Variants in ERBIN observed in about 807,000 individuals in gnomAD.
ERBIN encodes the protein densin-180-like protein.
In ERBIN, 60 loss-of-function variants were observed where a neutral mutation model predicts 158.4. The observed-to-expected ratio is 0.38, with a 90% CI of 0.31 to 0.47. The LOEUF is 0.47. ERBIN is among the 20% of genes least tolerant of loss of function. The probability of loss-of-function intolerance (pLI) is 0.99; values close to 1 mark genes in which losing one functional copy is unlikely to be tolerated. For missense variants in ERBIN, 1,610 were observed against 1,648.0 expected (o/e 0.98, Z 0.40); for synonymous variants, 594 against 557.2 (o/e 1.07, Z -0.93).
intron 1 of ERBIN, among the ~76,000 whole-genome samples, chr5:65,986,203 C>G (rs1184567178): frequency 6.6e-6 from 1 of 152,204 alleles, no homozygotes. Context: ...CTCTGAATGC[C>G]TATATCCAGC....
intron 19 of ERBIN, among the ~76,000 whole-genome samples, chr5:66,049,088 A>C (rs377607842): frequency 7.2e-5 from 11 of 152,096 alleles, no homozygotes; most frequent in African/African-American, 2.7e-4. Context: ...CCATGTGTAC[A>C]TATCTGATTT....
Position 66,053,538 on chromosome 5 carries a change from A to G in ERBIN, c.2220A>G (p.Arg740=). The G allele has an allele frequency of 6.2e-7, 1 of 1,611,362 alleles. No individual in the cohort carries two copies. Among genetic ancestry groups the G allele is most frequent in the Non-Finnish European group, 8.5e-7 (1 of 1,179,310 alleles). ...LPEYDLNVEE[R]LVLIEKSVDS... is the part of the protein sequence containing the mutation. The stretch of plus-strand genomic sequence containing the variant: ...AATATGATTTGAATGTTGAAGAGCG[A>G]TTAGTTCTAATTGAGAAAAGTGTTG... The change falls in exon 21 of 26, where the codon CGA becomes CGG. Residue 740 remains arginine (R), a synonymous_variant. Transcript: ENST00000284037.
At chr5:66,060,325 G>T (rs552855778) in intron 21 of ERBIN, among the ~76,000 whole-genome samples, 2 of 152,138 alleles carry the variant, frequency 1.3e-5, no homozygotes, top group Non-Finnish European at 2.9e-5. Flanking sequence ...GTTTATTTGC[G>T]TAGAGGTGTT....
chr5:65,976,910 C>T (rs1347126485), intron 1 of ERBIN, among the ~76,000 whole-genome samples: 1 of 151,856 alleles, frequency 6.6e-6, no homozygotes, highest in Non-Finnish European at 1.5e-5. Flanking sequence ...TCTCCCATGT[C>T]TACCTCTTTC....
intron 1 of ERBIN, among the ~76,000 whole-genome samples, chr5:65,940,488 CG>C (rs1437596258): frequency 0.013 from 1,479 of 116,364 alleles, 72 homozygotes; most frequent in Non-Finnish European, 0.018. Flanking sequence ...CCCCCCCCCC[CG>C]GCCAGCCGCC....
chr5:66,018,446 AATATATATTATATT>A (rs1755046871), intron 7 of ERBIN, among the ~76,000 whole-genome samples: 3 of 53,010 alleles, frequency 5.7e-5, no homozygotes, highest in Non-Finnish European at 1.0e-4. Flanking sequence ...TATATAATAT[AATATATATTATATT>A]ATATAATATA....
intron 10 of ERBIN, 112 bp downstream of exon 10, chr5:66,024,562 G>A (rs1756037625): frequency 1.5e-5 from 16 of 1,058,910 alleles, no homozygotes; most frequent in South Asian, 1.5e-4. Context: ...CCACAGGAAC[G>A]GATTTTATTT....
At chr5:66,000,344 T>A (rs1752895465) in intron 4 of ERBIN, among the ~76,000 whole-genome samples, 1 of 152,198 alleles carries the variant, frequency 6.6e-6, no homozygotes, top group Non-Finnish European at 1.5e-5. Context: ...CCCTACAGCA[T>A]CATTAAATTA....
chr5:65,954,337 T>C (rs929434449), intron 1 of ERBIN, among the ~76,000 whole-genome samples: 2 of 152,094 alleles, frequency 1.3e-5, no homozygotes, highest in Non-Finnish European at 2.9e-5. Flanking sequence ...TTGGTGAAAA[T>C]TAGTCTTTTT....
At chr5:66,071,479 T>G (rs752250899) in intron 21 of ERBIN, among the ~76,000 whole-genome samples, 2 of 152,230 alleles carry the variant, frequency 1.3e-5, no homozygotes, top group Non-Finnish European at 2.9e-5. Flanking sequence ...ATTTGGCCTA[T>G]AAAGATATTA....
chr5:65,937,107 T>G (rs1187257142), intron 1 of ERBIN, among the ~76,000 whole-genome samples: 1 of 152,228 alleles, frequency 6.6e-6, no homozygotes, highest in Non-Finnish European at 1.5e-5. Flanking sequence ...TTAGGTATAG[T>G]ACATATACAG....
At chr5:66,064,665 TA>T (rs976739786) in intron 21 of ERBIN, among the ~76,000 whole-genome samples, 2 of 152,204 alleles carry the variant, frequency 1.3e-5, no homozygotes, top group African/African-American at 4.8e-5. Context: ...GATGAATTGA[TA>T]AGAAGTAGCT....
At chr5:65,957,832 C>T (rs868811951) in intron 1 of ERBIN, among the ~76,000 whole-genome samples, 299 of 148,270 alleles carry the variant, frequency 2.0e-3, no homozygotes, top group African/African-American at 7.2e-3. Context: ...GGGCGGCTGC[C>T]GGGCGGAGGG....
rs145214770 is a variant in ERBIN, at chr5:66,047,227, T to C, written c.1788+689T>C. Among the ~76,000 whole-genome samples, 4 of 152,268 alleles carry C rather than the reference T, an allele frequency of 2.6e-5. No homozygotes were observed. The East Asian group carries it at 7.7e-4, about 29-fold the overall frequency. On this transcript the variant is annotated intron_variant, in intron 18 of 25. Coordinates refer to ENST00000284037, the MANE Select transcript of ERBIN (RefSeq NM_001253697.2). The stretch of plus-strand genomic sequence containing the variant: ...ATTTCATTTAAGTGGAATCATACAA[T>C]ATGTGGTCTTTTGTGCCTGGTCTGT...
At chr5:65,945,760 C>T (rs1042561114) in intron 1 of ERBIN, among the ~76,000 whole-genome samples, 12 of 152,120 alleles carry the variant, frequency 7.9e-5, no homozygotes, top group Non-Finnish European at 1.3e-4. Flanking sequence ...AAATATGTTT[C>T]ACTTCAGATT....
At chr5:65,954,442 T>C (rs1746859817) in intron 1 of ERBIN, among the ~76,000 whole-genome samples, 1 of 152,200 alleles carries the variant, frequency 6.6e-6, no homozygotes, top group African/African-American at 2.4e-5. Context: ...GAGAGCCCTT[T>C]GTTCCATGTA....
At chr5:66,034,809 T>G (rs557111638) in intron 14 of ERBIN, among the ~76,000 whole-genome samples, 11 of 152,252 alleles carry the variant, frequency 7.2e-5, no homozygotes, top group African/African-American at 2.4e-4. Context: ...GGAAGGATTT[T>G]GGGCTGTAGT....
At position 66,080,609 on chromosome 5, in the gene ERBIN, C is replaced by G. The variant is rs1762344805; in HGVS notation, c.*2079C>G. 1 of 151,882 alleles carries G rather than the reference C, an allele frequency of 6.6e-6. No individual in the cohort carries two copies. The highest frequency in any genetic ancestry group is 6.5e-5 in the Admixed American group (1 of 15,272). 9.4% of individuals were successfully genotyped at this position (151,882 alleles called of 1,614,324 possible). The stretch of plus-strand genomic sequence containing the variant: ...ATTTCTTTTATTGATTTCAGATTTT[C>G]ACAGGCACATTCTACTTTTAATCAG... On this transcript the variant is annotated 3_prime_UTR_variant, in exon 26 of 26. Transcript: ENST00000284037.
intron 7 of ERBIN, among the ~76,000 whole-genome samples, chr5:66,020,130 A>G (rs1283312615): frequency 6.6e-6 from 1 of 152,074 alleles, no homozygotes; most frequent in Non-Finnish European, 1.5e-5. Flanking sequence ...TCTAGGTGAA[A>G]GCAGTTTTAT....
Sources: gnomAD v4.1 joint callset for allele counts (sites outside exome capture counted in the v4.1 genomes callset) on GRCh38, gnomAD v4.1.1 for gene constraint, MANE v1.5 for transcripts, NCBI Gene and HGNC (gene_info 2026-07-23, HGNC 2026-07-21) for gene names.